FBLN1: variants seen among roughly 807,000 people sequenced by gnomAD.
FBLN1 encodes the protein fibulin-1.
FBLN1 carries 34 observed loss-of-function variants against 89.7 expected under a neutral mutation model. The ratio of observed to expected loss-of-function variants is 0.38; its 90% CI spans 0.29 to 0.50. The LOEUF (loss-of-function observed/expected upper bound fraction) is 0.50, where lower values mean the gene tolerates loss of function less well. Among genes scored for constraint, FBLN1 ranks in the 20% least tolerant of loss-of-function variants. FBLN1 has a pLI of 0.92. For synonymous variants in FBLN1, 393 were observed against 391.3 expected (o/e 1.00, Z -0.05); for missense variants, 777 against 988.1 (o/e 0.79, Z 2.86).
At position 45,583,976 on chromosome 22, in the gene FBLN1, C is replaced by T. The variant is rs986041735; in HGVS notation, c.1972+6868C>T. On this transcript the variant is annotated intron_variant, in intron 16 of 16. Coordinates refer to ENST00000327858, the MANE Select transcript of FBLN1 (RefSeq NM_006486.3). The surrounding 1 kb of genome is among the most constrained non-coding windows in gnomAD (Gnocchi z 4.5). ...TCACTTCTGCATAGGCCTGCACTAT[C>T]GATGTAGGTGTGAGGGTCTTTGGGT... Among the ~76,000 whole-genome samples, 4 of 152,042 alleles carry T rather than the reference C, an allele frequency of 2.6e-5. No individual in the cohort carries two copies. The highest frequency in any genetic ancestry group is 6.6e-5 in the Admixed American group (1 of 15,262).
In FBLN1 at chr22:45,574,429, C is replaced by T; in HGVS notation, c.1698-82C>T. 6.6e-7 allele frequency: 1 copy of T among 1,523,784 alleles called. No homozygotes were observed. Among genetic ancestry groups the T allele is most frequent in the Non-Finnish European group, 9.1e-7 (1 of 1,104,922 alleles). The allele number at this position is 1,523,784 out of a possible 1,614,324, so 94.4% of individuals were successfully genotyped here. On this transcript the variant is annotated intron_variant, in intron 14 of 16. Coordinates refer to ENST00000327858, the MANE Select transcript of FBLN1 (RefSeq NM_006486.3). The surrounding 1 kb of genome is among the most constrained non-coding windows in gnomAD (Gnocchi z 4.1). ...CAGATGCCCCTGCCCTGGCCACCTG[C>T]TCCTCCTCCCTAGACCTCGGCCCCT...
At chr22:45,541,042 G>A (rs1003950967) in intron 8 of FBLN1, among the ~76,000 whole-genome samples, 187 bp from the exon 9 acceptor site, 9 of 152,218 alleles carry the variant, frequency 5.9e-5, no homozygotes, top group Admixed American at 2.0e-4. Context: ...TGTTTGAGGC[G>A]GTATGCAGTG....
At chr22:45,555,993 T>C (rs2088783408) in intron 14 of FBLN1, among the ~76,000 whole-genome samples, 1 of 152,156 alleles carries the variant, frequency 6.6e-6, no homozygotes. Context: ...TTTTTGATTG[T>C]TTTTTGTTTG....
chr22:45,538,001 A>G (rs116860834), intron 8 of FBLN1, among the ~76,000 whole-genome samples: 1 of 152,372 alleles, frequency 6.6e-6, no homozygotes, highest in East Asian at 1.9e-4. Flanking sequence ...AATGTTTGCA[A>G]GTCTCAACCT....
intron 8 of FBLN1, among the ~76,000 whole-genome samples, chr22:45,535,808 T>A (rs190152540): frequency 1.3e-3 from 200 of 152,352 alleles, no homozygotes; most frequent in African/African-American, 4.7e-3. Context: ...AGGCGAGTAC[T>A]TGCGAAGTAC....
At position 45,542,128 on chromosome 22, in the gene FBLN1, A is replaced by T. The variant is rs376469188; in HGVS notation, c.1067-27A>T. The T allele has an allele frequency of 3.1e-6, 5 of 1,614,010 alleles. No individual in the cohort carries two copies. The African/African-American group carries it at 4.0e-5, about 13-fold the overall frequency. ...GAAAAAACCCAAACTAAAGGTTTTC[A>T]TCATGGCTTTCTTTCTCCTTTGCAA... On this transcript the variant is annotated intron_variant, in intron 9 of 16. Coordinates refer to ENST00000327858, the MANE Select transcript of FBLN1 (RefSeq NM_006486.3).
At position 45,596,372 on chromosome 22, in the gene FBLN1, C is replaced by G. The variant is rs2089186198; in HGVS notation, c.1973-3935C>G. Among the ~76,000 whole-genome samples, 3 of 152,226 alleles carry G rather than the reference C, an allele frequency of 2.0e-5. No homozygotes were observed. In the South Asian group the frequency reaches 6.2e-4, roughly 32 times the overall value. On this transcript the variant is annotated intron_variant, in intron 16 of 16. Transcript: ENST00000327858. ...CACTTTCTTCTTTCTTTCTCTGTCC[C>G]CAGACTGACCCCTGAGGACAGACCT... is the stretch of plus-strand genomic sequence containing the variant.
At chr22:45,596,252 A>C (rs2089185147) in intron 16 of FBLN1, among the ~76,000 whole-genome samples, 1 of 152,236 alleles carries the variant, frequency 6.6e-6, no homozygotes, top group Non-Finnish European at 1.5e-5. Context: ...GGGTCCTACC[A>C]CGGAGCCAGG....
rs9682 is a variant in FBLN1 at position 45,541,269 on chromosome 22, C to A, written c.963C>A (p.Ile321=). 1 of 1,613,980 alleles carries A rather than the reference C, an allele frequency of 6.2e-7. No homozygotes were observed. The highest frequency in any genetic ancestry group is 1.3e-5 in the African/African-American group (1 of 75,010). The stretch of plus-strand genomic sequence containing the variant: ...TGAGTATCAGTGCCCCGTGCCCTAT[C>A]GGGCATACATGCATCAACACAGAGG... ...ECLSISAPCP[I]GHTCINTEGS... is the part of the protein sequence containing the mutation. Residue 321 remains isoleucine (I), a synonymous_variant, in exon 9 of 17, where the codon ATC becomes ATA. Coordinates refer to ENST00000327858, the MANE Select transcript of FBLN1 (RefSeq NM_006486.3).
chr22:45,511,276 TC>T (rs1410908243), intron 1 of FBLN1, among the ~76,000 whole-genome samples: 2 of 151,700 alleles, frequency 1.3e-5, no homozygotes, highest in African/African-American at 2.4e-5. Context: ...TGCCTCAGCC[TC>T]CCGAGTAGCT....
rs757130727 is a variant in FBLN1 at position 45,545,950 on chromosome 22, C to G, written c.1322-1135C>G. 1.3e-5 allele frequency among the ~76,000 whole-genome samples: 2 copies of G among 151,992 alleles called. No individual in the cohort carries two copies. The highest frequency in any genetic ancestry group is 4.8e-5 in the African/African-American group (2 of 41,364). On this transcript the variant is annotated intron_variant, in intron 11 of 16. Transcript: ENST00000327858. The surrounding 1 kb of genome is among the most constrained non-coding windows in gnomAD (Gnocchi z 5.9). ...ATTACTTGAGGTCAGGAGTTCGAGA[C>G]CAGTATGGCCAACATCGTGAAACCC...
At chr22:45,504,434 T>C (rs2087990428) in intron 1 of FBLN1, among the ~76,000 whole-genome samples, 1 of 151,450 alleles carries the variant, frequency 6.6e-6, no homozygotes, top group Non-Finnish European at 1.5e-5. Flanking sequence ...TTAGAAGAGA[T>C]GGAGCTTGAT....
At chr22:45,542,310 G>A (rs2088567885) in intron 10 of FBLN1, 27 bp downstream of exon 10, 1 of 1,613,050 alleles carries the variant, frequency 6.2e-7, no homozygotes, top group Admixed American at 1.7e-5. Flanking sequence ...GCAGGCCTCG[G>A]GGGAACCCAG....
intron 14 of FBLN1, chr22:45,564,752 G>C: frequency 9.1e-7 from 1 of 1,094,240 alleles, no homozygotes; most frequent in Non-Finnish European, 1.4e-6. Context: ...GGTGTTCCCA[G>C]CTCCTTGCAA....
rs544039081 is a variant in FBLN1, at chr22:45,516,628, C to T, written c.80-2054C>T. Among the ~76,000 whole-genome samples the T allele has an allele frequency of 1.6e-4, 25 of 152,164 alleles. No individual in the cohort carries two copies. In the South Asian group the frequency reaches 3.3e-3, roughly 20 times the overall value. On this transcript the variant is annotated intron_variant, in intron 1 of 16. Coordinates refer to ENST00000327858, the MANE Select transcript of FBLN1 (RefSeq NM_006486.3). The stretch of plus-strand genomic sequence containing the variant: ...GAATCTCACGTTCACCGAAGAGCAT[C>T]GCTGGAGAGGGGACACCTGAGGTGG...
rs1051807790 is a variant in FBLN1, at chr22:45,563,670, T to C, written c.1698-10841T>C. ...GCACAGTCCCCTCTCGTTTTACAGA[T>C]GTGGAAACTGAGGCCCAGAGAGAAG... On this transcript the variant is annotated intron_variant, in intron 14 of 16. Coordinates refer to ENST00000327858, the MANE Select transcript of FBLN1 (RefSeq NM_006486.3). This position sits in a 1 kb window ranked among gnomAD's most constrained non-coding sequence, Gnocchi z 5.7. 7.2e-5 allele frequency among the ~76,000 whole-genome samples: 11 copies of C among 152,150 alleles called. No individual in the cohort carries two copies. The highest frequency in any genetic ancestry group is 8.8e-5 in the Non-Finnish European group (6 of 68,024).
intron 14 of FBLN1, among the ~76,000 whole-genome samples, chr22:45,570,712 A>G (rs1315479610): frequency 6.6e-6 from 1 of 152,246 alleles, no homozygotes; most frequent in African/African-American, 2.4e-5. Context: ...AAAACTTTCC[A>G]TAAATTAAAA....
In FBLN1 at chr22:45,537,414, T is replaced by A. The variant is rs2088496259; in HGVS notation, c.922+2077T>A. ...CGGGTGGATCACTTGAGGTCAGGAG[T>A]TCGAGACCAGCCTGACCAATATGGT... On this transcript the variant is annotated intron_variant, in intron 8 of 16. Coordinates refer to ENST00000327858, the MANE Select transcript of FBLN1 (RefSeq NM_006486.3). The surrounding 1 kb of genome is among the most constrained non-coding windows in gnomAD (Gnocchi z 5.7). Among the ~76,000 whole-genome samples, 1 of 151,698 alleles carries A rather than the reference T, an allele frequency of 6.6e-6. No homozygotes were observed. The highest frequency in any genetic ancestry group is 2.1e-4 in the South Asian group (1 of 4,808).
rs2089111983 is a variant in FBLN1 at position 45,588,998 on chromosome 22, A to G, written c.1973-11309A>G. Among the ~76,000 whole-genome samples, 2 of 151,298 alleles carry G rather than the reference A, an allele frequency of 1.3e-5. No homozygotes were observed. Among genetic ancestry groups the G allele is most frequent in the African/African-American group, 4.9e-5 (2 of 41,214 alleles). On this transcript the variant is annotated intron_variant, in intron 16 of 16. Transcript: ENST00000327858. This position sits in a 1 kb window ranked among gnomAD's most constrained non-coding sequence, Gnocchi z 5.1. ...GTGGCCAAGGCTATCACAGTCCTCAAATTAACAGCAAACCCCGCGTGGCCC... is the reference window on the plus strand; with the variant it reads ...GTGGCCAAGGCTATCACAGTCCTCAGATTAACAGCAAACCCCGCGTGGCCC...
Sources: gnomAD v4.1 joint callset for allele counts (sites outside exome capture counted in the v4.1 genomes callset) on GRCh38, gnomAD v4.1.1 for gene constraint, Gnocchi (gnomAD v3.1) non-coding constraint, MANE v1.5 for transcripts, NCBI Gene and HGNC (gene_info 2026-07-23, HGNC 2026-07-21) for gene names.